Variants in NDUFAF2 observed in about 807,000 individuals in gnomAD.
The protein encoded by NDUFAF2 is NADH dehydrogenase [ubiquinone] 1 alpha subcomplex assembly factor 2.
A neutral mutation model predicts 22.8 loss-of-function variants in NDUFAF2; 13 were observed. That is an observed-to-expected ratio of 0.57 (90% CI 0.37 to 0.91). NDUFAF2 has a LOEUF of 0.91. Ranked by LOEUF, NDUFAF2 falls within the 40% of genes least tolerant of loss-of-function variation. The pLI is 0.01. For missense variants in NDUFAF2, 162 were observed against 195.2 expected, an observed-to-expected ratio of 0.83 and a Z score of 1.01; for synonymous variants, 53 against 64.2, an observed-to-expected ratio of 0.83 and a Z score of 0.84.
chr5:61,040,286 A>ACACACGCGCGCGCGCGCG (rs1491193758), intron 1 of NDUFAF2, among the ~76,000 whole-genome samples: 24 of 93,096 alleles, frequency 2.6e-4, no homozygotes, highest in East Asian at 8.5e-4. Context: ...ACACACACAC[A>ACACACGCGCGCGCGCGCG]CGCGCGCGCG....
intron 1 of NDUFAF2, among the ~76,000 whole-genome samples, chr5:61,038,009 G>C (rs1157781613): frequency 1.4e-5 from 2 of 144,258 alleles, no homozygotes; most frequent in Non-Finnish European, 3.0e-5. Context: ...AGCATGACTT[G>C]GTGGTTGATT....
At chr5:61,049,363 C>T (rs888799) in intron 1 of NDUFAF2, among the ~76,000 whole-genome samples, 63,208 of 151,776 alleles carry the variant, frequency 0.42, 14,041 homozygotes, top group East Asian at 0.81. Context: ...GAATAAGACA[C>T]GGATTTTTAC....
intron 1 of NDUFAF2, among the ~76,000 whole-genome samples, chr5:60,960,830 A>C (rs1452928321): frequency 2.0e-5 from 3 of 152,144 alleles, no homozygotes; most frequent in African/African-American, 7.2e-5. Context: ...CTTGTGGTCC[A>C]ACTCACAAAT....
At chr5:61,129,657 G>A (rs904163728) in intron 3 of NDUFAF2, among the ~76,000 whole-genome samples, 1 of 143,944 alleles carries the variant, frequency 6.9e-6, no homozygotes, top group African/African-American at 2.5e-5. Context: ...TAGGGGGAGG[G>A]GGGAGGGATA....
At chr5:60,952,937 A>G (rs973972119) in intron 1 of NDUFAF2, among the ~76,000 whole-genome samples, 2 of 151,852 alleles carry the variant, frequency 1.3e-5, no homozygotes, top group Non-Finnish European at 2.9e-5. Context: ...AAACACAGAG[A>G]GAAAAAAGAC....
chr5:61,015,530 C>T (rs903819303), intron 1 of NDUFAF2, among the ~76,000 whole-genome samples: 1 of 152,146 alleles, frequency 6.6e-6, no homozygotes, highest in African/African-American at 2.4e-5. Context: ...GATCCTCTCA[C>T]CTCGGCCTCC....
At chr5:60,955,167 C>T (rs1750598752) in intron 1 of NDUFAF2, among the ~76,000 whole-genome samples, 2 of 152,096 alleles carry the variant, frequency 1.3e-5, no homozygotes, top group Non-Finnish European at 2.9e-5. Context: ...GAAGCTTTTT[C>T]CCTGTTTTCT....
intron 1 of NDUFAF2, among the ~76,000 whole-genome samples, chr5:60,987,127 C>T (rs1751092540): frequency 6.6e-6 from 1 of 151,876 alleles, no homozygotes; most frequent in Admixed American, 6.6e-5. Context: ...TACAGATAAC[C>T]ATCAGAGACT....
chr5:60,945,508 T>G, intron 1 of NDUFAF2, 126 bp downstream of exon 1: 8 of 1,400,510 alleles, frequency 5.7e-6, no homozygotes, highest in South Asian at 4.8e-5. Context: ...GGAGAGAATT[T>G]CCCGAGTTCG....
At chr5:61,022,708 G>C (rs966833188) in intron 1 of NDUFAF2, among the ~76,000 whole-genome samples, 1 of 152,120 alleles carries the variant, frequency 6.6e-6, no homozygotes, top group Non-Finnish European at 1.5e-5. Flanking sequence ...GTAGTGGCGT[G>C]ATCTCAGCTC....
intron 3 of NDUFAF2, among the ~76,000 whole-genome samples, chr5:61,123,464 T>C (rs1187778846): frequency 1.3e-5 from 2 of 152,060 alleles, no homozygotes; most frequent in African/African-American, 4.8e-5. Context: ...CAATGGTAAA[T>C]ATTTGTGTTT....
chr5:61,033,021 C>T (rs1751748260), intron 1 of NDUFAF2, among the ~76,000 whole-genome samples: 1 of 152,112 alleles, frequency 6.6e-6, no homozygotes, highest in African/African-American at 2.4e-5. Context: ...GATATTGAGT[C>T]TTCCTATCCA....
At chr5:61,141,749 G>T (rs74866442) in intron 3 of NDUFAF2, among the ~76,000 whole-genome samples, 3,691 of 152,232 alleles carry the variant, frequency 0.024, 62 homozygotes, top group Non-Finnish European at 0.038. Flanking sequence ...GTTGTCCCCT[G>T]CAACAAGTCC....
At chr5:61,087,851 A>G (rs1267936626) in intron 2 of NDUFAF2, among the ~76,000 whole-genome samples, 3 of 152,160 alleles carry the variant, frequency 2.0e-5, no homozygotes, top group Admixed American at 2.0e-4. Context: ...TGATATGCTC[A>G]TTATGTTTGT....
intron 1 of NDUFAF2, among the ~76,000 whole-genome samples, chr5:60,971,709 G>A (rs181175635): frequency 1.3e-3 from 193 of 150,408 alleles, no homozygotes; most frequent in Middle Eastern, 3.4e-3. Flanking sequence ...GAGAACATGC[G>A]GTGTTTGGTT....
intron 1 of NDUFAF2, among the ~76,000 whole-genome samples, chr5:60,966,455 A>G (rs1285780554): frequency 1.3e-5 from 2 of 152,066 alleles, no homozygotes; most frequent in Non-Finnish European, 2.9e-5. Flanking sequence ...GCCAAAAAGC[A>G]TTCCCCTCTG....
At chr5:61,127,140 A>G (rs557533273) in intron 3 of NDUFAF2, among the ~76,000 whole-genome samples, 12 of 152,278 alleles carry the variant, frequency 7.9e-5, no homozygotes, top group East Asian at 5.8e-4. Context: ...TGAGGCAATA[A>G]TTAATAGCTT....
At chr5:61,147,433 CTTTCTTT>C (rs1561139816) in intron 3 of NDUFAF2, among the ~76,000 whole-genome samples, 1 of 47,476 alleles carries the variant, frequency 2.1e-5, no homozygotes. Flanking sequence ...ATTTTTTTTT[CTTTCTTT>C]TTTTTTTTTT....
intron 1 of NDUFAF2, among the ~76,000 whole-genome samples, chr5:60,954,627 A>G (rs1283864827): frequency 6.6e-6 from 1 of 151,950 alleles, no homozygotes; most frequent in East Asian, 1.9e-4. Context: ...TCATGTGTTA[A>G]TTTTGTCTCT....
Sources: gnomAD v4.1 joint callset for allele counts (sites outside exome capture counted in the v4.1 genomes callset) on GRCh38, gnomAD v4.1.1 for gene constraint, MANE v1.5 for transcripts, NCBI Gene and HGNC (gene_info 2026-07-23, HGNC 2026-07-21) for gene names.